The following SPIDR variants were observed in gnomAD, a reference collection of about 807,000 sequenced individuals.
SPIDR encodes DNA repair-scaffolding protein.
In SPIDR, 93 loss-of-function variants were observed where a neutral mutation model predicts 104.6. That is an observed-to-expected ratio of 0.89 (90% CI 0.75 to 1.06). The LOEUF (loss-of-function observed/expected upper bound fraction) is 1.06. Ranked by LOEUF, SPIDR falls within the 50% of genes least tolerant of loss-of-function variation. SPIDR has a pLI of 0.00. For synonymous variants in SPIDR, 431 were observed against 416.9 expected, an observed-to-expected ratio of 1.03 and a Z score of -0.41; for missense variants, 1,154 against 1,111.2, an observed-to-expected ratio of 1.04 and a Z score of -0.55.
rs782308946 is a variant in SPIDR, at chr8:47,313,729, A to T, written c.525+19699A>T. On this transcript the variant is annotated intron_variant, in intron 5 of 19. Transcript: ENST00000297423. ...CCAAAACAGAGATATAGATCAGTGG[A>T]ACAGAACAGAGCCCTCAGAAATAAT... 2.0e-4 allele frequency among the ~76,000 whole-genome samples: 31 copies of T among 152,356 alleles called. 1 individual carries two copies. Among genetic ancestry groups the T allele is most frequent in the African/African-American group, 7.2e-4 (30 of 41,596 alleles).
At chr8:47,562,794 C>A (rs903693374) in intron 8 of SPIDR, among the ~76,000 whole-genome samples, 2 of 152,106 alleles carry the variant, frequency 1.3e-5, no homozygotes, top group Non-Finnish European at 2.9e-5. Flanking sequence ...AGACTTATTC[C>A]TACTCCTGTG....
At chr8:47,457,406 CT>C (rs1554710465) in intron 8 of SPIDR, among the ~76,000 whole-genome samples, 1 of 152,002 alleles carries the variant, frequency 6.6e-6, no homozygotes, top group African/African-American at 2.4e-5. Flanking sequence ...TGTATATCTT[CT>C]TTTGAGAATT....
At chr8:47,408,659 G>A (rs946088933) in intron 7 of SPIDR, among the ~76,000 whole-genome samples, 62 of 152,190 alleles carry the variant, frequency 4.1e-4, no homozygotes, top group African/African-American at 1.3e-3. Context: ...AGCTGTCTCC[G>A]TTTGCAGATA....
chr8:47,625,462 T>C (rs1467009059), intron 10 of SPIDR, among the ~76,000 whole-genome samples: 1 of 152,220 alleles, frequency 6.6e-6, no homozygotes, highest in Non-Finnish European at 1.5e-5. Context: ...TGTTTACAGA[T>C]GACATGATTG....
At chr8:47,313,608 A>C (rs781924549) in intron 5 of SPIDR, among the ~76,000 whole-genome samples, 3 of 152,214 alleles carry the variant, frequency 2.0e-5, no homozygotes, top group African/African-American at 4.8e-5. Flanking sequence ...TTGCCGAGTC[A>C]ATCCTAAGCC....
intron 8 of SPIDR, among the ~76,000 whole-genome samples, chr8:47,489,291 AC>A (rs2078251890): frequency 6.6e-6 from 1 of 152,234 alleles, no homozygotes; most frequent in Admixed American, 6.5e-5. Context: ...AATCCAACTT[AC>A]AAGGGATGTG....
chr8:47,713,628 C>T lies in SPIDR; in HGVS notation c.2328C>T (p.Ile776=), dbSNP rs778819999. 5 of 1,614,046 alleles carry T rather than the reference C, an allele frequency of 3.1e-6. No homozygotes were observed. Among genetic ancestry groups the T allele is most frequent in the African/African-American group, 1.3e-5 (1 of 74,928 alleles). Residue 776 remains isoleucine (I), a synonymous_variant, in exon 16 of 20, where the codon ATC becomes ATT. Transcript: ENST00000297423. The stretch of plus-strand genomic sequence containing the variant: ...ACTCTGCAACACCTGTCAACTCCAT[C>T]TGCAGTGTTCAAGGTAGGCAGCCAT... The part of the protein sequence containing the change: ...SLDSATPVNS[I]CSVQGTVVGV...
chr8:47,686,093 G>T (rs1320191230), intron 11 of SPIDR, among the ~76,000 whole-genome samples: 4 of 152,156 alleles, frequency 2.6e-5, no homozygotes, highest in Admixed American at 1.3e-4. Context: ...GTTTGTTCTG[G>T]AAGGTGGATG....
chr8:47,337,734 T>A (rs1232154366), intron 5 of SPIDR, among the ~76,000 whole-genome samples: 3 of 152,100 alleles, frequency 2.0e-5, no homozygotes, highest in Non-Finnish European at 4.4e-5. Context: ...AGGTGTATGG[T>A]CCGTTTTGAA....
Position 47,646,494 on chromosome 8 carries a change from C to T in SPIDR, c.1545-27307C>T, listed in dbSNP as rs566171026. 1.0e-3 allele frequency among the ~76,000 whole-genome samples: 158 copies of T among 152,230 alleles called. 1 individual carries two copies. The highest frequency in any genetic ancestry group is 2.0e-3 in the Non-Finnish European group (133 of 68,026). The stretch of plus-strand genomic sequence containing the variant: ...TTCCTTGCCCCATTCTTTGTGATAG[C>T]AAGTGGAAATGGCCTGAAGGTCAGC... On this transcript the variant is annotated intron_variant, in intron 10 of 19. Transcript: ENST00000297423.
intron 5 of SPIDR, among the ~76,000 whole-genome samples, chr8:47,350,096 T>C (rs1255263300): frequency 6.6e-6 from 1 of 152,216 alleles, no homozygotes; most frequent in Admixed American, 6.5e-5. Context: ...TATTCAGCCA[T>C]CTTGGAATGA....
intron 10 of SPIDR, among the ~76,000 whole-genome samples, chr8:47,614,618 T>C (rs1466978490): frequency 6.6e-6 from 1 of 152,224 alleles, no homozygotes; most frequent in East Asian, 1.9e-4. Context: ...GGGTTGATTC[T>C]GTCTTTGCTA....
intron 7 of SPIDR, among the ~76,000 whole-genome samples, chr8:47,431,352 G>T (rs1554689142): frequency 6.6e-6 from 1 of 152,152 alleles, no homozygotes; most frequent in African/African-American, 2.4e-5. Flanking sequence ...GAATTTTGAG[G>T]GGACACCAAC....
At chr8:47,660,829 A>C (rs893093211) in intron 10 of SPIDR, 5 of 398,896 alleles carry the variant, frequency 1.3e-5, no homozygotes, top group Non-Finnish European at 1.7e-5. Context: ...ACCTGGCTTC[A>C]GGACTTAGGA....
intron 1 of SPIDR, among the ~76,000 whole-genome samples, chr8:47,262,039 TC>T (rs2032534809): frequency 6.6e-6 from 1 of 152,256 alleles, no homozygotes; most frequent in Admixed American, 6.5e-5. Flanking sequence ...CAGCTCATTT[TC>T]TTCTCTTTAC....
chr8:47,369,987 CTT>C (rs781913320), intron 5 of SPIDR, among the ~76,000 whole-genome samples: 2 of 143,916 alleles, frequency 1.4e-5, no homozygotes, highest in Non-Finnish European at 1.5e-5. Flanking sequence ...AAAGAAATCT[CTT>C]TTTTTTTTTT....
chr8:47,329,316 C>T (rs2048259127), intron 5 of SPIDR, among the ~76,000 whole-genome samples: 1 of 152,096 alleles, frequency 6.6e-6, no homozygotes, highest in Non-Finnish European at 1.5e-5. Context: ...CATGATCCGC[C>T]CGCCTCAGCC....
At chr8:47,728,294 G>T (rs2154493734) in intron 17 of SPIDR, among the ~76,000 whole-genome samples, 1 of 151,968 alleles carries the variant, frequency 6.6e-6, no homozygotes, top group Non-Finnish European at 1.5e-5. Context: ...AATTAGCCGG[G>T]CATGGTGGCA....
At chr8:47,492,306 A>G (rs183709925) in intron 8 of SPIDR, among the ~76,000 whole-genome samples, 3 of 152,250 alleles carry the variant, frequency 2.0e-5, no homozygotes, top group Admixed American at 6.5e-5. Flanking sequence ...TTCCCAAGGT[A>G]TAAGACCAGT....
Sources: gnomAD v4.1 joint callset for allele counts (sites outside exome capture counted in the v4.1 genomes callset) on GRCh38, gnomAD v4.1.1 for gene constraint, MANE v1.5 for transcripts, NCBI Gene and HGNC (gene_info 2026-07-23, HGNC 2026-07-21) for gene names.